The following ZNF765 variants were observed in gnomAD, a reference collection of about 807,000 sequenced individuals.
The protein encoded by ZNF765 is zinc finger protein 765.
A neutral mutation model predicts 44.7 loss-of-function variants in ZNF765; 37 were observed. The ratio of observed to expected loss-of-function variants is 0.83; its 90% CI spans 0.64 to 1.09. The LOEUF is 1.09. Among genes scored for constraint, ZNF765 ranks in the 50% least tolerant of loss-of-function variants. ZNF765 has a pLI of 0.00. For synonymous variants in ZNF765, 201 were observed against 213.7 expected, an observed-to-expected ratio of 0.94 and a Z score of 0.52; for missense variants, 594 against 626.1, an observed-to-expected ratio of 0.95 and a Z score of 0.55.
intron 3 of ZNF765, among the ~76,000 whole-genome samples, chr19:53,405,777 T>C (rs1222078417): frequency 6.6e-6 from 1 of 151,248 alleles, no homozygotes; most frequent in Non-Finnish European, 1.5e-5. Flanking sequence ...CTGCATCATA[T>C]TGTTTGTGTT....
rs562214551 is a variant in ZNF765 at position 53,407,928 on chromosome 19, C to T, written c.373C>T (p.Arg125Ter). 2.9e-5 allele frequency: 47 copies of T among 1,614,068 alleles called. No homozygotes were observed. The highest frequency in any genetic ancestry group is 2.3e-4 in the South Asian group (21 of 91,076). The stretch of plus-strand genomic sequence containing the variant: ...CAAAAAGTTGACAGGTAGTACAGAG[C>T]GATATGATCAAAATTATGCTGGAAA... ...KIKKLTGSTE[R>*]YDQNYAGNKP... Residue 125 changes from arginine (R) to a stop codon, truncating the protein, a stop_gained, in exon 4 of 4, where the codon CGA (arginine) becomes TGA (stop). Transcript: ENST00000396408. LOFTEE classifies it high-confidence loss of function.
In ZNF765 at chr19:53,408,937, C is replaced by T. The variant is rs2085806633; in HGVS notation, c.1382C>T (p.Thr461Ile). ...CTTGAAATACATCAGAAAATTCATA[C>T]TGAAGAGAATCCTTACAAGTGTAAT... ...SNLEIHQKIH[T>I]EENPYKCNEC... is the part of the protein sequence containing the mutation. Residue 461 changes from threonine to isoleucine, a missense_variant, in exon 4 of 4, where the codon ACT (threonine) becomes ATT (isoleucine). Coordinates refer to ENST00000396408, the MANE Select transcript of ZNF765 (RefSeq NM_001040185.3). 1 of 1,613,876 alleles carries T rather than the reference C, an allele frequency of 6.2e-7. No homozygotes were observed. The highest frequency in any genetic ancestry group is 8.5e-7 in the Non-Finnish European group (1 of 1,179,934).
intron 3 of ZNF765, among the ~76,000 whole-genome samples, chr19:53,403,904 G>T (rs1032491363): frequency 6.6e-6 from 1 of 151,118 alleles, no homozygotes; most frequent in East Asian, 1.9e-4. Flanking sequence ...TTCTCTACTA[G>T]AACTCTGTAT....
intron 2 of ZNF765, among the ~76,000 whole-genome samples, chr19:53,399,181 C>A (rs1193972980): frequency 6.6e-6 from 1 of 150,406 alleles, no homozygotes; most frequent in Non-Finnish European, 1.5e-5. Context: ...GTGTGCTGCA[C>A]CCATTAACTC....
chr19:53,416,833 T>C (rs1318990874), downstream of ZNF765, among the ~76,000 whole-genome samples: 1 of 151,302 alleles, frequency 6.6e-6, no homozygotes, highest in Non-Finnish European at 1.5e-5. Context: ...TTTTTTTTTT[T>C]CTGAGACCAA....
At chr19:53,426,939 G>C (rs1193331275) in exon 4 of ZNF765, 1 of 148,944 alleles carries the variant, frequency 6.7e-6, no homozygotes, top group Admixed American at 6.7e-5. Flanking sequence ...TCCTGCAGGT[G>C]AGCCCCACTG....
At chr19:53,413,053 T>C (rs555347131), downstream of ZNF765, 380 of 322,662 alleles carry the variant, frequency 1.2e-3, 1 homozygote, top group Admixed American at 2.2e-3. Flanking sequence ...GAGGTTGCAG[T>C]GAGCCGAGAT....
In ZNF765 at chr19:53,407,833, A is replaced by G. The variant is rs2147097184; in HGVS notation, c.278A>G (p.Asp93Gly). 1 of 1,613,616 alleles carries G rather than the reference A, an allele frequency of 6.2e-7. No individual in the cohort carries two copies. Among genetic ancestry groups the G allele is most frequent in the Non-Finnish European group, 8.5e-7 (1 of 1,179,872 alleles). ...TTTTGTTTCCAGGATATTGATAAAG[A>G]TATTCATGACATTGAGTTTCAGTGG... ...GDFCFQDIDKDIHDIEFQWQE... is the reference protein window; with the variant it reads ...GDFCFQDIDKGIHDIEFQWQE... The change falls in exon 4 of 4, where the codon GAT (aspartate) becomes GGT (glycine). Residue 93 changes from aspartate to glycine, a missense_variant. Physicochemically the swap from Asp to Gly is moderately conservative, Grantham distance 94. This residue lies in a region of ZNF765 where 567 missense variants were observed against 572.6 expected (regional missense o/e 0.99). Transcript: ENST00000396408.
At chr19:53,401,725 A>T (rs1420910788) in intron 2 of ZNF765, among the ~76,000 whole-genome samples, 1 of 152,078 alleles carries the variant, frequency 6.6e-6, no homozygotes, top group East Asian at 1.9e-4. Context: ...AAAATACAAA[A>T]ATTAACTGGT....
chr19:53,398,559 C>A (rs908434617), intron 2 of ZNF765, among the ~76,000 whole-genome samples: 17 of 152,232 alleles, frequency 1.1e-4, no homozygotes, highest in African/African-American at 4.1e-4. Context: ...CATACACAGA[C>A]ATGAATGATA....
At position 53,408,372 on chromosome 19, in the gene ZNF765, T is replaced by C. The variant is rs2085797723; in HGVS notation, c.817T>C (p.Cys273Arg). 9.9e-6 allele frequency: 16 copies of C among 1,614,204 alleles called. No homozygotes were observed. In the South Asian group the frequency reaches 1.6e-4, roughly 17 times the overall value. The stretch of plus-strand genomic sequence containing the variant: ...TCACACTGGTGAGAAACCTTACAAG[T>C]GTAATGAGTGTGGCAAGACCTTCAG... ...RCHTGEKPYK[C>R]NECGKTFSQT... is the part of the protein sequence containing the mutation. The change falls in exon 4 of 4, where the codon TGT becomes CGT. Residue 273 changes from cysteine to arginine, a missense_variant. Physicochemically the swap from Cys to Arg is radical, Grantham distance 180 (BLOSUM62 -3). Around this residue, in one of 2 missense-constraint regions of ZNF765, gnomAD observed 567 missense variants for 572.6 expected, o/e 0.99. Transcript: ENST00000396408.
chr19:53,417,823 A>G (rs2085884167), intron 3 of ZNF765, among the ~76,000 whole-genome samples: 1 of 152,154 alleles, frequency 6.6e-6, no homozygotes, highest in African/African-American at 2.4e-5. Context: ...TCTGCATATA[A>G]CTTAAAAGAT....
chr19:53,404,891 C>T (rs1307829649), intron 3 of ZNF765, among the ~76,000 whole-genome samples: 4 of 152,204 alleles, frequency 2.6e-5, no homozygotes, highest in African/African-American at 9.7e-5. Flanking sequence ...ATGAGATGCT[C>T]CTGTTCCTGC....
Position 53,411,950 on chromosome 19 carries a change from T to A in ZNF765, c.*2823T>A, listed in dbSNP as rs2085837981. 1 of 159,134 alleles carries A rather than the reference T, an allele frequency of 6.3e-6. No homozygotes were observed. The highest frequency in any genetic ancestry group is 1.7e-4 in the South Asian group (1 of 6,038). 9.9% of individuals were successfully genotyped at this position (159,134 alleles called of 1,614,324 possible). ...AGTATTTTGGTTGACTCTTTGTGAT[T>A]TTCTGCACAGAAGATCATGTCGTCT... On this transcript the variant is annotated 3_prime_UTR_variant, in exon 4 of 4. Transcript: ENST00000396408.
exon 4 of ZNF765, chr19:53,427,319 C>T (rs1314025055): frequency 7.2e-6 from 1 of 139,470 alleles, no homozygotes. Context: ...ACTTGTAAGG[C>T]AACTCCATGT....
In ZNF765 at chr19:53,420,203, A is replaced by C. The variant is rs557023018; in HGVS notation, c.143-2859A>C. Among the ~76,000 whole-genome samples, 3 of 151,748 alleles carry C rather than the reference A, an allele frequency of 2.0e-5. No individual in the cohort carries two copies. In the East Asian group the frequency reaches 5.9e-4, roughly 30 times the overall value. On this transcript the variant is annotated intron_variant, in intron 3 of 3. Coordinates refer to the ZNF765 transcript ENST00000594030. The stretch of plus-strand genomic sequence containing the variant: ...AAAAATTAGCTTGGCGTGGTGGCGC[A>C]TGCCTGTAATCCCAGCTACTCAGGA...
At chr19:53,416,623 T>A (rs2085876444), downstream of ZNF765, among the ~76,000 whole-genome samples, 1 of 152,082 alleles carries the variant, frequency 6.6e-6, no homozygotes, top group South Asian at 2.1e-4. Flanking sequence ...TAAGAGAAAT[T>A]TGTATACTAT....
chr19:53,395,494 C>T (rs1457758433), intron 1 of ZNF765, among the ~76,000 whole-genome samples: 1 of 152,246 alleles, frequency 6.6e-6, no homozygotes, highest in African/African-American at 2.4e-5. Context: ...AAGTCCTCAC[C>T]CGAGAGGTGA....
intron 3 of ZNF765, among the ~76,000 whole-genome samples, chr19:53,403,848 A>T (rs2085751206): frequency 6.6e-6 from 1 of 151,924 alleles, no homozygotes; most frequent in South Asian, 2.1e-4. Context: ...TCTCAAAAAA[A>T]AAAAAACAAC....
Sources: gnomAD v4.1 joint callset for allele counts (sites outside exome capture counted in the v4.1 genomes callset) on GRCh38, gnomAD v4.1.1 for gene constraint, gnomAD v4.1.1 regional missense constraint, MANE v1.5 for transcripts, NCBI Gene and HGNC (gene_info 2026-07-23, HGNC 2026-07-21) for gene names.